The following EEFSEC variants were observed in gnomAD, a reference collection of about 807,000 sequenced individuals.
EEFSEC encodes the protein eukaryotic elongation factor, selenocysteine-tRNA specific, also known as selenocysteine-specific elongation factor.
A neutral mutation model predicts 42.1 loss-of-function variants in EEFSEC; 43 were observed. The observed-to-expected ratio is 1.02, with a 90% CI of 0.80 to 1.32. The LOEUF is 1.32. EEFSEC is among the 40% of genes most tolerant of loss of function. The pLI is 0.00. For synonymous variants in EEFSEC, 354 were observed against 339.1 expected, an observed-to-expected ratio of 1.04 and a Z score of -0.48; for missense variants, 745 against 803.6, an observed-to-expected ratio of 0.93 and a Z score of 0.88.
intron 4 of EEFSEC, among the ~76,000 whole-genome samples, chr3:128,272,873 G>A (rs1265111241): frequency 6.6e-6 from 1 of 152,254 alleles, no homozygotes; most frequent in East Asian, 1.9e-4. Context: ...CATCAGGCAG[G>A]CAAAACTGAG....
At chr3:128,204,657 G>C (rs781359265) in intron 1 of EEFSEC, among the ~76,000 whole-genome samples, 1 of 152,020 alleles carries the variant, frequency 6.6e-6, no homozygotes, top group Non-Finnish European at 1.5e-5. Flanking sequence ...GCATCTCCAC[G>C]TTCAAAGCCA....
intron 5 of EEFSEC, among the ~76,000 whole-genome samples, chr3:128,345,453 G>A (rs1257532917): frequency 1.3e-5 from 2 of 152,176 alleles, no homozygotes; most frequent in African/African-American, 2.4e-5. Flanking sequence ...CCAGAGAAGT[G>A]CCCTATGCTC....
chr3:128,160,846 GA>G (rs1576506783), intron 1 of EEFSEC, among the ~76,000 whole-genome samples: 1 of 152,152 alleles, frequency 6.6e-6, no homozygotes, highest in East Asian at 1.9e-4. Context: ...TTAACTTAGA[GA>G]AAATTGGGTT....
intron 2 of EEFSEC, among the ~76,000 whole-genome samples, chr3:128,252,307 GACTA>G (rs1314788392): frequency 6.6e-6 from 1 of 152,188 alleles, no homozygotes; most frequent in Non-Finnish European, 1.5e-5. Context: ...CTTTGTGGCT[GACTA>G]ACTGTGTGTG....
At chr3:128,313,223 A>G (rs1052253177) in intron 4 of EEFSEC, among the ~76,000 whole-genome samples, 1 of 152,124 alleles carries the variant, frequency 6.6e-6, no homozygotes, top group Non-Finnish European at 1.5e-5. Context: ...AGAGAAATTG[A>G]TGTCTCCTGC....
intron 6 of EEFSEC, among the ~76,000 whole-genome samples, chr3:128,371,133 A>T (rs2067649045): frequency 6.6e-6 from 1 of 151,846 alleles, no homozygotes; most frequent in African/African-American, 2.4e-5. Flanking sequence ...AAAGCAATGG[A>T]ATTCTTTGTT....
intron 5 of EEFSEC, among the ~76,000 whole-genome samples, chr3:128,346,068 C>T (rs1373915656): frequency 6.6e-6 from 1 of 152,226 alleles, no homozygotes; most frequent in African/African-American, 2.4e-5. Context: ...ATTTCCAAGC[C>T]TCTGCAGACT....
At chr3:128,282,713 G>A (rs2066540839) in intron 4 of EEFSEC, among the ~76,000 whole-genome samples, 1 of 152,234 alleles carries the variant, frequency 6.6e-6, no homozygotes, top group Non-Finnish European at 1.5e-5. Flanking sequence ...GACTTCAGGT[G>A]GGGAAAATCT....
At chr3:128,407,278 TG>T (rs1303359802) in intron 6 of EEFSEC, among the ~76,000 whole-genome samples, 1 of 152,134 alleles carries the variant, frequency 6.6e-6, no homozygotes, top group Non-Finnish European at 1.5e-5. Context: ...TGGAAAGCGG[TG>T]GGGGCTGCAC....
chr3:128,350,572 T>G (rs2067372603), intron 5 of EEFSEC, among the ~76,000 whole-genome samples: 1 of 152,234 alleles, frequency 6.6e-6, no homozygotes, highest in Non-Finnish European at 1.5e-5. Flanking sequence ...CCTCAGCGTT[T>G]CTTCTGACTT....
chr3:128,219,591 T>C (rs2065843268), intron 1 of EEFSEC, among the ~76,000 whole-genome samples: 1 of 152,220 alleles, frequency 6.6e-6, no homozygotes, highest in South Asian at 2.1e-4. Context: ...CCCACCACTT[T>C]ATCCCATAAT....
chr3:128,417,932 CCA>C, the EEFSEC span, among the ~76,000 whole-genome samples: 1 of 152,086 alleles, frequency 6.6e-6, no homozygotes, highest in South Asian at 2.1e-4. The surrounding 1 kb of genome is among the most constrained non-coding windows in gnomAD (Gnocchi z 4.3). Flanking sequence ...CAGCCCCCAG[CCA>C]GGACCCGGGG....
intron 1 of EEFSEC, among the ~76,000 whole-genome samples, chr3:128,207,585 AC>A (rs2107827038): frequency 6.6e-6 from 1 of 151,688 alleles, no homozygotes; most frequent in East Asian, 1.9e-4. Flanking sequence ...ACACACACAC[AC>A]ACACACACAC....
intron 6 of EEFSEC, among the ~76,000 whole-genome samples, chr3:128,393,340 C>G (rs527910055): frequency 1.3e-5 from 2 of 152,334 alleles, no homozygotes; most frequent in South Asian, 4.1e-4. Context: ...ATGATGACAG[C>G]TGTCCTTTTG....
At chr3:128,366,784 C>T (rs2067595465) in intron 6 of EEFSEC, among the ~76,000 whole-genome samples, 1 of 152,174 alleles carries the variant, frequency 6.6e-6, no homozygotes, top group Admixed American at 6.5e-5. Flanking sequence ...CTTTTGAGCC[C>T]CTGTTATGTG....
chr3:128,235,356 ACCGCGCCCAG>A (rs2065997770), intron 1 of EEFSEC, among the ~76,000 whole-genome samples: 1 of 152,144 alleles, frequency 6.6e-6, no homozygotes, highest in Admixed American at 6.5e-5. Context: ...GGCCTGAGCC[ACCGCGCCCAG>A]CCTGAAGCTT....
At chr3:128,279,951 G>A (rs968209018) in intron 4 of EEFSEC, among the ~76,000 whole-genome samples, 15 of 152,326 alleles carry the variant, frequency 9.8e-5, no homozygotes, top group African/African-American at 1.7e-4. Flanking sequence ...TCTCTAAACC[G>A]TGCGATACCA....
the EEFSEC span, among the ~76,000 whole-genome samples, chr3:128,425,350 G>C: frequency 2.0e-5 from 3 of 152,236 alleles, no homozygotes; most frequent in East Asian, 3.9e-4. Flanking sequence ...AGCTCCTTGG[G>C]TCACTGAGCA....
At chr3:128,392,803 G>A (rs1234732318) in intron 6 of EEFSEC, among the ~76,000 whole-genome samples, 2 of 152,220 alleles carry the variant, frequency 1.3e-5, no homozygotes, top group African/African-American at 2.4e-5. Flanking sequence ...CAGGCTGCTC[G>A]GGTGCTGCCC....
Sources: allele counts gnomAD v4.1 joint callset (sites outside exome capture counted in the v4.1 genomes callset), GRCh38; gene constraint gnomAD v4.1.1; non-coding constraint Gnocchi (gnomAD v3.1); transcripts MANE v1.5; gene names NCBI Gene and HGNC (gene_info 2026-07-23, HGNC 2026-07-21).